The following ARFIP1 variants were observed in gnomAD, a reference collection of about 807,000 sequenced individuals.
ARFIP1 encodes the protein arfaptin-1.
A neutral mutation model predicts 42.5 loss-of-function variants in ARFIP1; 24 were observed. That is an observed-to-expected ratio of 0.57 (90% confidence interval 0.41 to 0.80). The LOEUF is 0.80. Among genes scored for constraint, ARFIP1 ranks in the 30% least tolerant of loss-of-function variants. ARFIP1 has a pLI of 0.00. For missense variants in ARFIP1, 354 were observed against 434.0 expected (o/e 0.82, Z 1.64); for synonymous variants, 141 against 153.7 (o/e 0.92, Z 0.61).
At chr4:152,819,435 C>A (rs573596548) in intron 1 of ARFIP1, among the ~76,000 whole-genome samples, 1 of 152,318 alleles carries the variant, frequency 6.6e-6, no homozygotes, top group East Asian at 1.9e-4. Context: ...CTCCCACCCC[C>A]ATCGGAGCTG....
In ARFIP1 at chr4:152,786,454, C is replaced by T. The variant is rs1294558182; in HGVS notation, c.-10+6228C>T. On this transcript the variant is annotated intron_variant, in intron 1 of 8. Coordinates refer to ENST00000353617, the MANE Select transcript of ARFIP1 (RefSeq NM_001025595.3). ...AGAAGTGATCCTTAATTCCCTCTCC[C>T]TGATAGATCCAATGATTGAACAAGT... Among the ~76,000 whole-genome samples, 4 of 152,152 alleles carry T rather than the reference C, an allele frequency of 2.6e-5. No homozygotes were observed. In the East Asian group the frequency reaches 7.7e-4, roughly 29 times the overall value.
chr4:152,856,898 A>G (rs1338695323), intron 2 of ARFIP1, among the ~76,000 whole-genome samples: 1 of 152,236 alleles, frequency 6.6e-6, no homozygotes, highest in African/African-American at 2.4e-5. Flanking sequence ...CAGTGATTTG[A>G]CAGCATTTTA....
intron 2 of ARFIP1, among the ~76,000 whole-genome samples, chr4:152,860,431 G>C (rs1194224069): frequency 6.6e-6 from 1 of 151,826 alleles, no homozygotes; most frequent in Non-Finnish European, 1.5e-5. Flanking sequence ...CATTTTCACT[G>C]ATGTCCAAAG....
chr4:152,842,374 A>C (rs994705919), intron 2 of ARFIP1, among the ~76,000 whole-genome samples: 1 of 151,770 alleles, frequency 6.6e-6, no homozygotes. Flanking sequence ...AACTTTGGAT[A>C]ACCCGATGAC....
At chr4:152,822,933 A>G (rs1023351536) in intron 1 of ARFIP1, among the ~76,000 whole-genome samples, 2 of 152,186 alleles carry the variant, frequency 1.3e-5, no homozygotes, top group Non-Finnish European at 2.9e-5. Flanking sequence ...TGTGCTAAAC[A>G]CCTACATAAA....
chr4:152,848,101 A>C (rs1205206090), intron 2 of ARFIP1, among the ~76,000 whole-genome samples: 3 of 152,162 alleles, frequency 2.0e-5, no homozygotes, highest in Non-Finnish European at 4.4e-5. Flanking sequence ...ACTACCTTAG[A>C]GATCTCGGAG....
chr4:152,781,263 T>C (rs948461113), intron 1 of ARFIP1, among the ~76,000 whole-genome samples: 1 of 129,484 alleles, frequency 7.7e-6, no homozygotes, highest in Non-Finnish European at 1.6e-5. Context: ...TGAGACAGAG[T>C]CTCACTCTGT....
chr4:152,835,452 CTT>C (rs1433916070), intron 2 of ARFIP1, among the ~76,000 whole-genome samples: 1 of 152,178 alleles, frequency 6.6e-6, no homozygotes, highest in Admixed American at 6.5e-5. Context: ...CCATGGGTGA[CTT>C]TTACTTCAGT....
intron 7 of ARFIP1, among the ~76,000 whole-genome samples, chr4:152,887,286 G>T (rs1242180851): frequency 6.6e-6 from 1 of 151,888 alleles, no homozygotes; most frequent in Non-Finnish European, 1.5e-5. Flanking sequence ...TTGAGTTGAT[G>T]GGGGGAGAAT....
chr4:152,856,822 A>G (rs768572149), intron 2 of ARFIP1, among the ~76,000 whole-genome samples: 2 of 152,246 alleles, frequency 1.3e-5, no homozygotes, highest in Non-Finnish European at 2.9e-5. Flanking sequence ...GCAAGGCAAC[A>G]TTCAAGGAAG....
At chr4:152,815,485 A>G (rs1342192871) in intron 1 of ARFIP1, among the ~76,000 whole-genome samples, 1 of 152,220 alleles carries the variant, frequency 6.6e-6, no homozygotes, top group Non-Finnish European at 1.5e-5. Context: ...TCATAAATCC[A>G]GTAACCTACT....
At chr4:152,901,239 C>T (rs1387074748) in intron 8 of ARFIP1, among the ~76,000 whole-genome samples, 1 of 152,106 alleles carries the variant, frequency 6.6e-6, no homozygotes, top group Non-Finnish European at 1.5e-5. Flanking sequence ...TAATGCTTAT[C>T]ATTAGTTTTT....
chr4:152,879,343 ATC>A (rs1011612362), intron 5 of ARFIP1, among the ~76,000 whole-genome samples: 2 of 152,214 alleles, frequency 1.3e-5, no homozygotes, highest in African/African-American at 4.8e-5. Context: ...ATATAGCATA[ATC>A]TCATGTTTAC....
chr4:152,821,196 T>C (rs753192923), intron 1 of ARFIP1, among the ~76,000 whole-genome samples: 1 of 152,074 alleles, frequency 6.6e-6, no homozygotes, highest in African/African-American at 2.4e-5. Context: ...ATTAAGTCAC[T>C]GAAGGAGATA....
chr4:152,877,051 G>A (rs546668533), intron 5 of ARFIP1, among the ~76,000 whole-genome samples: 1 of 152,330 alleles, frequency 6.6e-6, no homozygotes, highest in South Asian at 2.1e-4. Flanking sequence ...TGCTAGGGCA[G>A]TACAGAAGGG....
At chr4:152,865,142 A>ATT (rs77064249) in intron 3 of ARFIP1, among the ~76,000 whole-genome samples, 1 of 146,098 alleles carries the variant, frequency 6.8e-6, no homozygotes, top group Non-Finnish European at 1.5e-5. Flanking sequence ...AGTATTCTGT[A>ATT]TTTTTTTTTT....
intron 1 of ARFIP1, among the ~76,000 whole-genome samples, chr4:152,822,287 C>A (rs1730437234): frequency 3.1e-5 from 2 of 64,978 alleles, no homozygotes; most frequent in African/African-American, 7.3e-5. Context: ...ACTATAAAAG[C>A]AACAGCAGTA....
chr4:152,886,307 C>G (rs1480812448), intron 7 of ARFIP1, among the ~76,000 whole-genome samples: 1 of 151,976 alleles, frequency 6.6e-6, no homozygotes, highest in South Asian at 2.1e-4. Context: ...CAGTGGCTTC[C>G]CATTACTTCT....
chr4:152,814,299 G>A (rs1176564953), intron 1 of ARFIP1, among the ~76,000 whole-genome samples: 1 of 151,800 alleles, frequency 6.6e-6, no homozygotes, highest in Admixed American at 6.6e-5. Flanking sequence ...TTGTCGTATT[G>A]CCCAGGCTGG....
Sources: allele counts gnomAD v4.1 joint callset (sites outside exome capture counted in the v4.1 genomes callset), GRCh38; gene constraint gnomAD v4.1.1; transcripts MANE v1.5; gene names NCBI Gene and HGNC (gene_info 2026-07-23, HGNC 2026-07-21).